The following SLC4A8 variants were observed in gnomAD, a reference collection of about 807,000 sequenced individuals.
The protein encoded by SLC4A8 is electroneutral sodium bicarbonate exchanger 1.
Under a neutral mutation model 125.0 loss-of-function variants are expected in SLC4A8, and 40 were observed. That is an observed-to-expected ratio of 0.32 (90% CI 0.25 to 0.42). SLC4A8 has a LOEUF of 0.42. Ranked by LOEUF, SLC4A8 falls within the 10% of genes least tolerant of loss-of-function variation. The probability of loss-of-function intolerance (pLI) is 1.00; values close to 1 mark genes in which losing one functional copy is unlikely to be tolerated. For synonymous variants in SLC4A8, 456 were observed against 476.0 expected, an observed-to-expected ratio of 0.96 and a Z score of 0.55; for missense variants, 863 against 1,355.1, an observed-to-expected ratio of 0.64 and a Z score of 5.70.
intron 1 of SLC4A8, among the ~76,000 whole-genome samples, chr12:51,398,676 CGCAGA>C (rs1948313929): frequency 1.3e-5 from 2 of 152,190 alleles, no homozygotes; most frequent in South Asian, 4.1e-4. Context: ...AAACTAACTC[CGCAGA>C]GCAAACAATC....
At chr12:51,402,557 A>G (rs528234822) in intron 1 of SLC4A8, among the ~76,000 whole-genome samples, 3 of 152,216 alleles carry the variant, frequency 2.0e-5, no homozygotes, top group African/African-American at 7.2e-5. Flanking sequence ...CCCCGTCCCT[A>G]CTAAAAATGC....
intron 1 of SLC4A8, among the ~76,000 whole-genome samples, chr12:51,437,177 A>G (rs747874756): frequency 9.9e-5 from 15 of 152,204 alleles, no homozygotes; most frequent in Admixed American, 3.3e-4. Flanking sequence ...GGCCTCAAAA[A>G]CTTTATTTCA....
At chr12:51,483,104 A>G (rs1346303285) in intron 16 of SLC4A8, among the ~76,000 whole-genome samples, 2 of 152,184 alleles carry the variant, frequency 1.3e-5, no homozygotes, top group Non-Finnish European at 2.9e-5. Context: ...GAGATACCAC[A>G]CAAGTCTTGC....
At chr12:51,499,659 G>A (rs572263814) in intron 22 of SLC4A8, among the ~76,000 whole-genome samples, 16 of 97,274 alleles carry the variant, frequency 1.6e-4, no homozygotes, top group African/African-American at 2.8e-4. Flanking sequence ...ACACACACAC[G>A]TATATAATTT....
At chr12:51,424,040 A>AG (rs1948863359), upstream of SLC4A8, among the ~76,000 whole-genome samples, 1 of 45,092 alleles carries the variant, frequency 2.2e-5, no homozygotes, top group Admixed American at 2.1e-4. Context: ...TCGTCTCCAA[A>AG]AAAAAAAAAA....
intron 9 of SLC4A8, 103 bp from the exon 10 acceptor site, chr12:51,462,207 A>G (rs574568347): frequency 1.9e-6 from 2 of 1,058,974 alleles, no homozygotes; most frequent in East Asian, 2.4e-5. Context: ...CCCGTGACAG[A>G]GATAAAAATC....
chr12:51,450,403 A>G (rs1162124852), intron 2 of SLC4A8, among the ~76,000 whole-genome samples: 2 of 152,210 alleles, frequency 1.3e-5, no homozygotes, highest in African/African-American at 2.4e-5. Context: ...AAATTGTTCA[A>G]GGTCACATGG....
At chr12:51,407,323 A>G (rs1948506981) in intron 1 of SLC4A8, among the ~76,000 whole-genome samples, 1 of 152,162 alleles carries the variant, frequency 6.6e-6, no homozygotes, top group African/African-American at 2.4e-5. Context: ...CAGTGGCACA[A>G]TCATAGCTCG....
At chr12:51,482,194 G>A (rs1951048906) in intron 16 of SLC4A8, among the ~76,000 whole-genome samples, 1 of 152,098 alleles carries the variant, frequency 6.6e-6, no homozygotes, top group Non-Finnish European at 1.5e-5. Flanking sequence ...ACCAGATCTT[G>A]AAGGATTGGT....
At chr12:51,430,203 G>A (rs960970876) in intron 1 of SLC4A8, among the ~76,000 whole-genome samples, 3 of 152,096 alleles carry the variant, frequency 2.0e-5, no homozygotes, top group African/African-American at 7.2e-5. Context: ...ATGGCTGATA[G>A]GAGTAGAGTT....
chr12:51,408,227 G>T (rs1592143890), intron 1 of SLC4A8, among the ~76,000 whole-genome samples: 1 of 152,090 alleles, frequency 6.6e-6, no homozygotes, highest in East Asian at 1.9e-4. Context: ...AATCTATAAT[G>T]GGTTTTGTTT....
At chr12:51,479,551 G>A (rs1344405001) in intron 16 of SLC4A8, among the ~76,000 whole-genome samples, 1 of 152,030 alleles carries the variant, frequency 6.6e-6, no homozygotes, top group African/African-American at 2.4e-5. Flanking sequence ...GCTGGGCGTG[G>A]TGGTGCATGA....
intron 1 of SLC4A8, among the ~76,000 whole-genome samples, chr12:51,438,580 C>T (rs190306991): frequency 7.2e-5 from 11 of 152,238 alleles, no homozygotes; most frequent in African/African-American, 1.7e-4. Flanking sequence ...AATAGTGCTG[C>T]GATAAACGTG....
chr12:51,403,982 G>T (rs1284982972), intron 1 of SLC4A8, among the ~76,000 whole-genome samples: 1 of 152,228 alleles, frequency 6.6e-6, no homozygotes, highest in African/African-American at 2.4e-5. Flanking sequence ...TGGCTGCAGG[G>T]CCCTGGAGTT....
At chr12:51,441,471 T>C (rs767034088) in intron 2 of SLC4A8, among the ~76,000 whole-genome samples, 7 of 152,210 alleles carry the variant, frequency 4.6e-5, no homozygotes, top group Non-Finnish European at 8.8e-5. Context: ...TGTCCTGCTT[T>C]CCTTTTTCCC....
intron 1 of SLC4A8, chr12:51,392,810 C>G (rs1249869526): frequency 6.6e-6 from 1 of 152,228 alleles, no homozygotes; most frequent in Non-Finnish European, 1.5e-5. Context: ...GCCCGTGCTG[C>G]TCAGTGGTCC....
chr12:51,496,916 A>C, intron 21 of SLC4A8, 71 bp from the exon 22 acceptor site: 1 of 1,496,418 alleles, frequency 6.7e-7, no homozygotes, highest in African/African-American at 1.4e-5. Context: ...CTGTGAAAAT[A>C]AGGCTTTGCT....
chr12:51,410,876 C>CTTTTTTTTTTTTTTTT (rs58043742), intron 1 of SLC4A8, among the ~76,000 whole-genome samples: 1 of 117,388 alleles, frequency 8.5e-6, no homozygotes, highest in Non-Finnish European at 1.7e-5. Flanking sequence ...CTTTTCTTTT[C>CTTTTTTTTTTTTTTTT]TTTTTTTTTT....
At position 51,424,833 on chromosome 12, in the gene SLC4A8, G is replaced by T. The variant is rs1948902216; in HGVS notation, c.-155G>T. On this transcript the variant is annotated 5_prime_UTR_variant, in exon 1 of 25. Coordinates refer to ENST00000453097, the MANE Select transcript of SLC4A8 (RefSeq NM_001039960.3). ...TGATTGGTTGCGGCGGATGCCTCGC[G>T]GGCCGGTGGCTATGGAGGCGGCGGC... The T allele has an allele frequency of 2.7e-6, 2 of 732,632 alleles. No homozygotes were observed. The highest frequency in any genetic ancestry group is 1.8e-5 in the South Asian group (1 of 55,974). 45.4% of individuals were successfully genotyped at this position (732,632 alleles called of 1,614,324 possible).
Sources: gnomAD v4.1 joint callset for allele counts (sites outside exome capture counted in the v4.1 genomes callset) on GRCh38, gnomAD v4.1.1 for gene constraint, MANE v1.5 for transcripts, NCBI Gene and HGNC (gene_info 2026-07-23, HGNC 2026-07-21) for gene names.